SFRP1: variants seen among roughly 807,000 people sequenced by gnomAD.
SFRP1 encodes the protein secreted frizzled related protein 1.
Under a neutral mutation model 25.9 loss-of-function variants are expected in SFRP1, and 9 were observed. The ratio of observed to expected loss-of-function variants is 0.35; its 90% CI spans 0.21 to 0.61. The LOEUF (loss-of-function observed/expected upper bound fraction) is 0.61, where lower values mean the gene tolerates loss of function less well. SFRP1 is among the 20% of genes least tolerant of loss of function. The pLI is 0.78. For synonymous variants in SFRP1, 178 were observed against 174.0 expected, an observed-to-expected ratio of 1.02 and a Z score of -0.18; for missense variants, 346 against 418.2, an observed-to-expected ratio of 0.83 and a Z score of 1.51.
At chr8:41,302,675 T>G (rs1438715528) in intron 2 of SFRP1, among the ~76,000 whole-genome samples, 1 of 152,098 alleles carries the variant, frequency 6.6e-6, no homozygotes, top group Non-Finnish European at 1.5e-5. Context: ...GCCGTTTACA[T>G]TTACTTTTCT....
At chr8:41,296,758 G>C (rs1293647180) in intron 2 of SFRP1, among the ~76,000 whole-genome samples, 1 of 152,070 alleles carries the variant, frequency 6.6e-6, no homozygotes, top group Non-Finnish European at 1.5e-5. Flanking sequence ...CTCAAACATA[G>C]GCCCTGCTAA....
intron 2 of SFRP1, among the ~76,000 whole-genome samples, chr8:41,284,742 T>G (rs1402231127): frequency 6.6e-6 from 1 of 152,158 alleles, no homozygotes; most frequent in Non-Finnish European, 1.5e-5. Context: ...CTGAAGAGCA[T>G]TCTTAGGTGA....
At chr8:41,296,221 G>A (rs955211748) in intron 2 of SFRP1, among the ~76,000 whole-genome samples, 1 of 152,216 alleles carries the variant, frequency 6.6e-6, no homozygotes, top group Non-Finnish European at 1.5e-5. Flanking sequence ...ATATGTGTCT[G>A]GCTTTCACAC....
chr8:41,288,530 CAAAAAAAAAAAAAAAAAAAAAA>C (rs397893046), intron 2 of SFRP1, among the ~76,000 whole-genome samples: 65 of 39,110 alleles, frequency 1.7e-3, no homozygotes, highest in East Asian at 6.4e-3. Context: ...AGACCCTGTC[CAAAAAAAAAAAAAAAAAAAAAA>C]AAAAAAAAAA....
At chr8:41,295,731 G>T (rs1307061896) in intron 2 of SFRP1, among the ~76,000 whole-genome samples, 1 of 149,132 alleles carries the variant, frequency 6.7e-6, no homozygotes, top group Non-Finnish European at 1.5e-5. Flanking sequence ...GACACTGGGG[G>T]AGTATCTGCA....
At chr8:41,296,279 A>G (rs1178431354) in intron 2 of SFRP1, among the ~76,000 whole-genome samples, 1 of 152,234 alleles carries the variant, frequency 6.6e-6, no homozygotes, top group Admixed American at 6.5e-5. Context: ...GTAAAAATTC[A>G]CGGGAAATCT....
chr8:41,305,167 T>G (rs1803977482), intron 1 of SFRP1, among the ~76,000 whole-genome samples: 1 of 152,164 alleles, frequency 6.6e-6, no homozygotes, highest in African/African-American at 2.4e-5. Context: ...TTTAGGTTAT[T>G]TTGAAAAAGG....
chr8:41,274,068 G>A (rs897121883), intron 2 of SFRP1, among the ~76,000 whole-genome samples: 1 of 152,190 alleles, frequency 6.6e-6, no homozygotes, highest in Non-Finnish European at 1.5e-5. Flanking sequence ...CCTCCTGGGG[G>A]CTTTCAGGCT....
chr8:41,285,671 C>T (rs948448087), intron 2 of SFRP1, among the ~76,000 whole-genome samples: 1 of 152,192 alleles, frequency 6.6e-6, no homozygotes, highest in Non-Finnish European at 1.5e-5. Context: ...TGTGGCCCAG[C>T]CCCCCAACCC....
intron 2 of SFRP1, among the ~76,000 whole-genome samples, chr8:41,297,981 A>T (rs1803865172): frequency 6.6e-6 from 1 of 152,200 alleles, no homozygotes; most frequent in African/African-American, 2.4e-5. Flanking sequence ...CCTGGATGCC[A>T]GGGAAGTGCT....
At chr8:41,289,923 G>A (rs1182859704) in intron 2 of SFRP1, among the ~76,000 whole-genome samples, 1 of 152,240 alleles carries the variant, frequency 6.6e-6, no homozygotes, top group Non-Finnish European at 1.5e-5. Context: ...GGGGGAGGAA[G>A]TGACCCTCGG....
At chr8:41,269,117 C>G (rs1430358566) in intron 2 of SFRP1, among the ~76,000 whole-genome samples, 11 of 152,194 alleles carry the variant, frequency 7.2e-5, no homozygotes, top group Admixed American at 7.2e-4. Context: ...CTATCCCCAC[C>G]CTGTGCTCAC....
intron 2 of SFRP1, among the ~76,000 whole-genome samples, chr8:41,302,345 C>G (rs556253641): frequency 1.3e-5 from 2 of 152,320 alleles, no homozygotes; most frequent in African/African-American, 4.8e-5. Flanking sequence ...TGATTCCCTC[C>G]GACTTGCATG....
At chr8:41,266,503 T>G (rs980818244) in intron 2 of SFRP1, among the ~76,000 whole-genome samples, 4 of 152,072 alleles carry the variant, frequency 2.6e-5, no homozygotes, top group African/African-American at 9.7e-5. Flanking sequence ...TGTCTCGATC[T>G]CGGCTCACTG....
At chr8:41,303,765 C>A (rs1178809380) in intron 1 of SFRP1, among the ~76,000 whole-genome samples, 1 of 152,180 alleles carries the variant, frequency 6.6e-6, no homozygotes, top group Non-Finnish European at 1.5e-5. Context: ...CTAAATGTGA[C>A]ACAGTTATTT....
Position 41,263,368 on chromosome 8 carries a change from T to A in SFRP1, c.*1799A>T, listed in dbSNP as rs1408550483. ...AGAGAGAACCCCACAAAAAAGGTGT[T>A]AAAAGGACAGGATCACTAACTGTGA... is the stretch of plus-strand genomic sequence containing the variant. On this transcript the variant is annotated 3_prime_UTR_variant, in exon 3 of 3. Transcript: ENST00000220772. 6.6e-6 allele frequency: 1 copy of A among 152,310 alleles called. No homozygotes were observed. Among genetic ancestry groups the A allele is most frequent in the Non-Finnish European group, 1.5e-5 (1 of 68,044 alleles). 9.4% of individuals were successfully genotyped at this position (152,310 alleles called of 1,614,324 possible). A position where few individuals can be genotyped will look rare whatever the true frequency, so the allele number is the denominator to read the frequency against.
Position 41,268,978 on chromosome 8 carries a change from G to C in SFRP1, c.623-3489C>G, listed in dbSNP as rs534764150. 5.3e-5 allele frequency among the ~76,000 whole-genome samples: 8 copies of C among 152,354 alleles called. No individual in the cohort carries two copies. In the South Asian group the frequency reaches 1.7e-3, roughly 32 times the overall value. On this transcript the variant is annotated intron_variant, in intron 2 of 2. Coordinates refer to ENST00000220772, the MANE Select transcript of SFRP1 (RefSeq NM_003012.5). ...AGCTGGATACAGTCCCAGGTCCTGGGTTCTTCTCTGAGTCTCAGTACTCTG... is the reference window on the plus strand; with the variant it reads ...AGCTGGATACAGTCCCAGGTCCTGGCTTCTTCTCTGAGTCTCAGTACTCTG...
chr8:41,303,344 A>G lies in SFRP1; in HGVS notation c.622+117T>C. 5.3e-6 allele frequency: 4 copies of G among 759,312 alleles called. No homozygotes were observed. The South Asian group carries it at 6.3e-5, about 12-fold the overall frequency. 47.0% of individuals were successfully genotyped at this position (759,312 alleles called of 1,614,324 possible). On this transcript the variant is annotated intron_variant, in intron 2 of 2. Coordinates refer to ENST00000220772, the MANE Select transcript of SFRP1 (RefSeq NM_003012.5). ...TGAGAAAAGCAGCCATTTGGAGAGGAATGAGGTAGAGAATATGGAAAGCTG... is the reference window on the plus strand; with the variant it reads ...TGAGAAAAGCAGCCATTTGGAGAGGGATGAGGTAGAGAATATGGAAAGCTG...
chr8:41,303,628 C>A (rs1803956772), intron 1 of SFRP1, 90 bp from the exon 2 acceptor site: 1 of 980,136 alleles, frequency 1.0e-6, no homozygotes, highest in Non-Finnish European at 1.6e-6. Flanking sequence ...TGGGTCCAGG[C>A]TGAAAGTGGC....
Sources: gnomAD v4.1 joint callset for allele counts (sites outside exome capture counted in the v4.1 genomes callset) on GRCh38, gnomAD v4.1.1 for gene constraint, MANE v1.5 for transcripts, NCBI Gene and HGNC (gene_info 2026-07-23, HGNC 2026-07-21) for gene names.